The following DISC1 variants were observed in gnomAD, a reference collection of about 807,000 sequenced individuals.
DISC1 encodes DISC1 scaffold protein.
In DISC1, 57 loss-of-function variants were observed where a neutral mutation model predicts 84.5. That is an observed-to-expected ratio of 0.67 (90% CI 0.55 to 0.84). DISC1 has a LOEUF of 0.84. DISC1 is among the 40% of genes least tolerant of loss of function. The pLI, the probability that DISC1 is intolerant of heterozygous loss-of-function variation, is 0.00. For missense variants in DISC1, 1,000 were observed against 1,057.8 expected, an observed-to-expected ratio of 0.95 and a Z score of 0.76; for synonymous variants, 411 against 415.2, an observed-to-expected ratio of 0.99 and a Z score of 0.12.
intron 3 of DISC1, among the ~76,000 whole-genome samples, chr1:231,742,843 G>C (rs1298490250): frequency 6.6e-6 from 1 of 152,160 alleles, no homozygotes; most frequent in Non-Finnish European, 1.5e-5. Flanking sequence ...CCAGGAGTTG[G>C]AGGCTGCCAC....
chr1:231,784,622 G>A (rs2077690886), intron 6 of DISC1, among the ~76,000 whole-genome samples: 1 of 152,150 alleles, frequency 6.6e-6, no homozygotes, highest in Non-Finnish European at 1.5e-5. Context: ...TATAATCCAG[G>A]TATGGTATAT....
intron 11 of DISC1, among the ~76,000 whole-genome samples, chr1:232,024,907 G>GTA (rs1475885629): frequency 6.6e-6 from 1 of 151,994 alleles, no homozygotes; most frequent in Non-Finnish European, 1.5e-5. Context: ...ATTTTTTAGT[G>GTA]TATCTTCTAA....
chr1:231,818,931 TG>T (rs2081287618), intron 9 of DISC1: 3 of 1,014,378 alleles, frequency 3.0e-6, no homozygotes, highest in Non-Finnish European at 3.5e-6. Flanking sequence ...GACCATAAAG[TG>T]GCTCTTCTAT....
chr1:231,806,661 G>GT (rs2079741105), intron 8 of DISC1, among the ~76,000 whole-genome samples: 1 of 148,560 alleles, frequency 6.7e-6, no homozygotes. Context: ...AGGGTGAAAG[G>GT]CCTCTTCTCC....
chr1:232,008,853 G>A lies in DISC1; in HGVS notation c.2111G>A (p.Ser704Asn), dbSNP rs1667777981. Residue 704 changes from serine (S) to asparagine (N), a missense_variant, in exon 11 of 13, where the codon AGC (serine) becomes AAC (asparagine). Physicochemically the swap from Ser to Asn is conservative, Grantham distance 46. Coordinates refer to ENST00000439617, the MANE Select transcript of DISC1 (RefSeq NM_018662.3). ...GAAGCTTGTCGATTGCTTATCCAGA[G>A]CCTACAGCTCCAGGAAGCCAGGGGA... ...DLEACRLLIQSLQLQEARGSL... is the reference protein window; with the variant it reads ...DLEACRLLIQNLQLQEARGSL... 2 of 1,612,856 alleles carry A rather than the reference G, an allele frequency of 1.2e-6. No homozygotes were observed. Among genetic ancestry groups the A allele is most frequent in the Non-Finnish European group, 1.7e-6 (2 of 1,179,414 alleles).
intron 9 of DISC1, among the ~76,000 whole-genome samples, chr1:231,878,575 C>T (rs1181338392): frequency 1.3e-5 from 2 of 152,152 alleles, no homozygotes; most frequent in African/African-American, 4.8e-5. Context: ...AAGTGAAGGA[C>T]TTTCATCTTT....
chr1:231,999,592 C>T (rs1453990605), intron 10 of DISC1, among the ~76,000 whole-genome samples: 1 of 152,154 alleles, frequency 6.6e-6, no homozygotes, highest in East Asian at 1.9e-4. Flanking sequence ...GAAGTGTTCT[C>T]CTCTCCCCTC....
At position 231,803,946 on chromosome 1, in the gene DISC1, CAAAAAAAAAAAAAA is replaced by C. The variant is rs59401177; in HGVS notation, c.1792+3751_1792+3764del. 1.6e-3 allele frequency among the ~76,000 whole-genome samples: 91 copies of C among 55,396 alleles called. 2 individuals carry two copies. The highest frequency in any genetic ancestry group is 6.6e-3 in the African/African-American group (86 of 13,024). The allele number at this position is 55,396 out of a possible 152,430, so 36.3% of individuals were successfully genotyped here. On this transcript the variant is annotated intron_variant, in intron 8 of 12. Coordinates refer to ENST00000439617, the MANE Select transcript of DISC1 (RefSeq NM_018662.3). ...TGGGTGACAGAGCAAGACTCCGTCT[CAAAAAAAAAAAAAA>C]AAAAAAAAAAAAAAGCCACAGTGTC... is the stretch of plus-strand genomic sequence containing the variant.
At chr1:231,652,988 C>G (rs544090686) in intron 1 of DISC1, among the ~76,000 whole-genome samples, 1 of 152,246 alleles carries the variant, frequency 6.6e-6, no homozygotes, top group Non-Finnish European at 1.5e-5. Flanking sequence ...CCATGTTGGC[C>G]AGGCTGGTCT....
At chr1:231,855,267 A>T in intron 9 of DISC1, 1 of 960,314 alleles carries the variant, frequency 1.0e-6, no homozygotes, top group African/African-American at 1.9e-5. Context: ...GTGTCTCATA[A>T]ATAACTTTCT....
intron 6 of DISC1, among the ~76,000 whole-genome samples, chr1:231,779,895 G>T (rs2077269507): frequency 6.6e-6 from 1 of 152,058 alleles, no homozygotes; most frequent in South Asian, 2.1e-4. Context: ...TGTCTTACCT[G>T]TCCCTCCCTT....
In DISC1 at chr1:231,698,721, T is replaced by C. The variant is rs1029067058; in HGVS notation, c.1048-3234T>C. On this transcript the variant is annotated intron_variant, in intron 2 of 12. Coordinates refer to ENST00000439617, the MANE Select transcript of DISC1 (RefSeq NM_018662.3). The surrounding 1 kb of genome is among the most constrained non-coding windows in gnomAD (Gnocchi z 4.9). ...TTTCTTCAGCTTCTGTTCTAATAAA[T>C]GTTTAATGATACCATCATTTGGGTG... Among the ~76,000 whole-genome samples, 23 of 152,212 alleles carry C rather than the reference T, an allele frequency of 1.5e-4. No homozygotes were observed. The highest frequency in any genetic ancestry group is 2.9e-5 in the Non-Finnish European group (2 of 68,036).
intron 6 of DISC1, among the ~76,000 whole-genome samples, chr1:231,782,670 G>T (rs898368644): frequency 6.6e-6 from 1 of 152,158 alleles, no homozygotes; most frequent in Non-Finnish European, 1.5e-5. Flanking sequence ...GGGCACAGTG[G>T]CTCATGTCTG....
intron 3 of DISC1, among the ~76,000 whole-genome samples, chr1:231,717,651 C>G (rs969463358): frequency 6.6e-6 from 1 of 152,118 alleles, no homozygotes; most frequent in African/African-American, 2.4e-5. Flanking sequence ...GAAGAGAGAT[C>G]ACTCCAGCAA....
intron 3 of DISC1, among the ~76,000 whole-genome samples, chr1:231,724,678 G>A (rs546801165): frequency 1.1e-4 from 16 of 152,268 alleles, no homozygotes; most frequent in Admixed American, 8.5e-4. Flanking sequence ...TCTTCAATAG[G>A]AGACCTGGCT....
chr1:231,681,992 G>A (rs2063745967), intron 1 of DISC1, among the ~76,000 whole-genome samples: 1 of 152,162 alleles, frequency 6.6e-6, no homozygotes, highest in African/African-American at 2.4e-5. Flanking sequence ...GAGCCACTGT[G>A]CCCAGCCCAT....
chr1:231,770,329 C>G (rs1389676527), intron 5 of DISC1, among the ~76,000 whole-genome samples: 2 of 152,152 alleles, frequency 1.3e-5, no homozygotes, highest in African/African-American at 4.8e-5. Flanking sequence ...CTGCATGGCA[C>G]CATCTGCAGC....
intron 3 of DISC1, among the ~76,000 whole-genome samples, chr1:231,732,600 T>C (rs1456935470): frequency 6.6e-6 from 1 of 152,204 alleles, no homozygotes; most frequent in African/African-American, 2.4e-5. Context: ...TGTGTGTCCT[T>C]TTTGACCTTT....
At chr1:231,658,663 G>C (rs1037213231) in intron 1 of DISC1, among the ~76,000 whole-genome samples, 1 of 152,108 alleles carries the variant, frequency 6.6e-6, no homozygotes, top group African/African-American at 2.4e-5. Flanking sequence ...TCAATACCTA[G>C]TTTATTGAGA....
Sources: allele counts gnomAD v4.1 joint callset (sites outside exome capture counted in the v4.1 genomes callset), GRCh38; gene constraint gnomAD v4.1.1; non-coding constraint Gnocchi (gnomAD v3.1); transcripts MANE v1.5; gene names NCBI Gene and HGNC (gene_info 2026-07-23, HGNC 2026-07-21).